The following HMGCLL1 variants were observed in gnomAD, a reference collection of about 807,000 sequenced individuals.
The protein encoded by HMGCLL1 is 3-hydroxy-3-methylglutaryl-CoA lyase like 1.
In HMGCLL1, 36 loss-of-function variants were observed where a neutral mutation model predicts 39.1. That is an observed-to-expected ratio of 0.92 (90% CI 0.71 to 1.22). The LOEUF is 1.22. Ranked by LOEUF, HMGCLL1 falls within the 50% of genes most tolerant of loss-of-function variation. HMGCLL1 has a pLI of 0.00. For missense variants in HMGCLL1, 451 were observed against 416.5 expected (o/e 1.08, Z -0.72); for synonymous variants, 149 against 144.0 (o/e 1.03, Z -0.25).
chr6:55,542,889 A>C (rs1293627902), intron 1 of HMGCLL1, among the ~76,000 whole-genome samples: 3 of 133,522 alleles, frequency 2.2e-5, no homozygotes, highest in Non-Finnish European at 4.6e-5. Flanking sequence ...TTATATATTT[A>C]TATATTTAGA....
At chr6:55,563,198 G>A (rs1771040236) in intron 1 of HMGCLL1, among the ~76,000 whole-genome samples, 1 of 152,026 alleles carries the variant, frequency 6.6e-6, no homozygotes, top group Non-Finnish European at 1.5e-5. Context: ...TAAACACTCG[G>A]AAAGTATTCA....
intron 1 of HMGCLL1, among the ~76,000 whole-genome samples, chr6:55,564,890 G>A (rs1771139573): frequency 6.6e-6 from 1 of 151,222 alleles, no homozygotes; most frequent in Admixed American, 6.6e-5. Flanking sequence ...TGAATAACAT[G>A]TCTCTGAGAG....
chr6:55,570,744 G>A (rs148300096), intron 1 of HMGCLL1, among the ~76,000 whole-genome samples: 1 of 152,042 alleles, frequency 6.6e-6, no homozygotes, highest in Non-Finnish European at 1.5e-5. Flanking sequence ...ATTATTTTTT[G>A]TGGCAGCTCA....
At chr6:55,535,564 T>C (rs929088518) in intron 3 of HMGCLL1, among the ~76,000 whole-genome samples, 1 of 152,148 alleles carries the variant, frequency 6.6e-6, no homozygotes, top group Non-Finnish European at 1.5e-5. Context: ...GAATTGAGTA[T>C]TTTAAGTCAG....
chr6:55,574,475 C>T (rs1385483957), intron 1 of HMGCLL1, among the ~76,000 whole-genome samples: 2 of 151,388 alleles, frequency 1.3e-5, no homozygotes, highest in Non-Finnish European at 3.0e-5. Flanking sequence ...TAATAAGCCA[C>T]GGTTGTATGT....
At chr6:55,673,593 T>A in the HMGCLL1 span, among the ~76,000 whole-genome samples, 1 of 151,774 alleles carries the variant, frequency 6.6e-6, no homozygotes, top group Non-Finnish European at 1.5e-5. Context: ...AAAAACAAGA[T>A]GGGATTAAAA....
At chr6:55,574,893 G>A (rs891733018) in intron 1 of HMGCLL1, among the ~76,000 whole-genome samples, 3 of 151,892 alleles carry the variant, frequency 2.0e-5, no homozygotes, top group African/African-American at 2.4e-5. Context: ...GATCAGAATC[G>A]AATGTAAAAT....
the HMGCLL1 span, among the ~76,000 whole-genome samples, chr6:55,615,223 A>G: frequency 6.6e-6 from 1 of 152,084 alleles, no homozygotes; most frequent in Non-Finnish European, 1.5e-5. Context: ...TACTTCCACC[A>G]CTCACTCCTA....
chr6:55,480,615 A>T (rs1173169978), intron 7 of HMGCLL1, among the ~76,000 whole-genome samples: 5 of 151,752 alleles, frequency 3.3e-5, no homozygotes, highest in Admixed American at 6.6e-5. Flanking sequence ...CACATAGAGT[A>T]GCAATCCCAC....
At chr6:55,639,323 T>A in the HMGCLL1 span, among the ~76,000 whole-genome samples, 1 of 151,600 alleles carries the variant, frequency 6.6e-6, no homozygotes, top group Non-Finnish European at 1.5e-5. Context: ...ACTTATTATG[T>A]ACCAACACCT....
At chr6:55,581,803 A>T (rs1771991145), upstream of HMGCLL1, among the ~76,000 whole-genome samples, 1 of 151,928 alleles carries the variant, frequency 6.6e-6, no homozygotes. Context: ...CATATGACTA[A>T]GCCATTTTTA....
chr6:55,545,791 C>T (rs1468040943), intron 1 of HMGCLL1, among the ~76,000 whole-genome samples: 2 of 150,954 alleles, frequency 1.3e-5, no homozygotes, highest in East Asian at 1.9e-4. Context: ...TATCTAAGCT[C>T]ATTAGAAAAA....
chr6:55,628,489 A>C, the HMGCLL1 span, among the ~76,000 whole-genome samples: 1 of 151,320 alleles, frequency 6.6e-6, no homozygotes, highest in Non-Finnish European at 1.5e-5. Context: ...TTTTTAGTAG[A>C]GATGGGGTTT....
At chr6:55,619,586 T>C in the HMGCLL1 span, among the ~76,000 whole-genome samples, 1 of 152,124 alleles carries the variant, frequency 6.6e-6, no homozygotes, top group Non-Finnish European at 1.5e-5. Context: ...GGTAGGTGTA[T>C]ATATTTATGG....
intron 1 of HMGCLL1, among the ~76,000 whole-genome samples, chr6:55,558,549 T>C (rs543985403): frequency 1.3e-5 from 2 of 152,170 alleles, no homozygotes; most frequent in South Asian, 2.1e-4. Flanking sequence ...TCAGAATCCA[T>C]AGCTTTCACC....
chr6:55,444,931 TA>T (rs1181574037), intron 7 of HMGCLL1, among the ~76,000 whole-genome samples: 1 of 152,032 alleles, frequency 6.6e-6, no homozygotes, highest in Admixed American at 6.6e-5. Context: ...AGAGGACTTG[TA>T]AAATGGTCTT....
chr6:55,488,061 G>A (rs76891393), intron 7 of HMGCLL1, among the ~76,000 whole-genome samples: 46 of 151,822 alleles, frequency 3.0e-4, no homozygotes, highest in East Asian at 7.8e-4. Context: ...ACATACACTC[G>A]TATATAAGGT....
At chr6:55,676,863 A>G in the HMGCLL1 span, among the ~76,000 whole-genome samples, 1 of 152,372 alleles carries the variant, frequency 6.6e-6, no homozygotes, top group Non-Finnish European at 1.5e-5. Context: ...AGTTAAGTTC[A>G]TAAGAGATGG....
At position 55,435,356 on chromosome 6, in the gene HMGCLL1, A is replaced by G; in HGVS notation, c.*306T>C. ...TAACACAGTATTTGATACTTGGGGA[A>G]ATACGAAGTCAATTTTCCCATCTAC... On this transcript the variant is annotated 3_prime_UTR_variant, in exon 9 of 9. Transcript: ENST00000274901. The G allele has an allele frequency of 4.5e-6, 1 of 221,790 alleles. No homozygotes were observed. Among genetic ancestry groups the G allele is most frequent in the Non-Finnish European group, 9.1e-6 (1 of 110,198 alleles). 13.7% of individuals were successfully genotyped at this position (221,790 alleles called of 1,614,324 possible). A position where few individuals can be genotyped will look rare whatever the true frequency, so the allele number is the denominator to read the frequency against.
Sources: allele counts gnomAD v4.1 joint callset (sites outside exome capture counted in the v4.1 genomes callset), GRCh38; gene constraint gnomAD v4.1.1; transcripts MANE v1.5; gene names NCBI Gene and HGNC (gene_info 2026-07-23, HGNC 2026-07-21).